GALNT17: variants seen among roughly 807,000 people sequenced by gnomAD.
The protein encoded by GALNT17 is polypeptide N-acetylgalactosaminyltransferase 17, also known as UDP-GalNAc:polypeptide N-acetylgalactosaminyltransferase-like 3.
GALNT17 carries 29 observed loss-of-function variants against 63.7 expected under a neutral mutation model. The ratio of observed to expected loss-of-function variants is 0.46; its 90% confidence interval spans 0.34 to 0.62. The LOEUF (loss-of-function observed/expected upper bound fraction) is 0.62. GALNT17 is among the 20% of genes least tolerant of loss of function. The pLI, the probability that GALNT17 is intolerant of heterozygous loss-of-function variation, is 0.01. For synonymous variants in GALNT17, 305 were observed against 318.3 expected, an observed-to-expected ratio of 0.96 and a Z score of 0.45; for missense variants, 603 against 799.6, an observed-to-expected ratio of 0.75 and a Z score of 2.97.
intron 6 of GALNT17, among the ~76,000 whole-genome samples, chr7:71,665,165 C>G (rs940957488): frequency 6.6e-6 from 1 of 152,066 alleles, no homozygotes; most frequent in African/African-American, 2.4e-5. Context: ...TTAGTAGAGA[C>G]GAGGTTTCAC....
In GALNT17 at chr7:71,504,389, CAATAAATA is replaced by C. The variant is rs201531403; in HGVS notation, c.963-66874_963-66867del. ...TGGGCGACAGAGCTAGACTCCGTCT[CAATAAATA>C]AATAAATAAATAAATAAATAAGTGA... On this transcript the variant is annotated intron_variant, in intron 5 of 10. Coordinates refer to ENST00000333538, the MANE Select transcript of GALNT17 (RefSeq NM_022479.3). Among the ~76,000 whole-genome samples the C allele has an allele frequency of 7.3e-5, 11 of 150,934 alleles. No homozygotes were observed. In the East Asian group the frequency reaches 7.9e-4, roughly 11 times the overall value.
At chr7:71,464,179 T>C (rs1787498560) in intron 5 of GALNT17, among the ~76,000 whole-genome samples, 1 of 152,192 alleles carries the variant, frequency 6.6e-6, no homozygotes, top group African/African-American at 2.4e-5. Context: ...CGTGGGGGAT[T>C]CTTGTTAAAT....
chr7:71,293,214 A>G (rs751476469), intron 1 of GALNT17, among the ~76,000 whole-genome samples: 5 of 152,178 alleles, frequency 3.3e-5, no homozygotes, highest in Non-Finnish European at 7.3e-5. Flanking sequence ...CTTTGGATAT[A>G]TATCTAAAAT....
intron 6 of GALNT17, among the ~76,000 whole-genome samples, chr7:71,596,938 A>G (rs1255216134): frequency 6.6e-6 from 1 of 152,024 alleles, no homozygotes; most frequent in Admixed American, 6.5e-5. Context: ...CTCTAATTCC[A>G]GTGCTGTGGG....
chr7:71,356,299 G>T (rs762342287), intron 2 of GALNT17, among the ~76,000 whole-genome samples: 1 of 152,116 alleles, frequency 6.6e-6, no homozygotes, highest in Admixed American at 6.5e-5. Context: ...CACAAGATTT[G>T]TAGTTCAAAG....
intron 3 of GALNT17, among the ~76,000 whole-genome samples, chr7:71,401,475 G>T (rs1793239478): frequency 6.6e-6 from 1 of 152,018 alleles, no homozygotes; most frequent in Non-Finnish European, 1.5e-5. Flanking sequence ...TAAAGCAGGG[G>T]TCCCCAACCC....
intron 6 of GALNT17, among the ~76,000 whole-genome samples, chr7:71,642,258 A>G (rs1790615109): frequency 1.3e-5 from 2 of 152,078 alleles, no homozygotes; most frequent in Non-Finnish European, 2.9e-5. Flanking sequence ...CCTAAAACAC[A>G]CTGGGGAGAT....
chr7:71,543,484 A>T (rs1788927624), intron 5 of GALNT17, among the ~76,000 whole-genome samples: 1 of 152,130 alleles, frequency 6.6e-6, no homozygotes, highest in Admixed American at 6.5e-5. Flanking sequence ...GAAAAGAGAG[A>T]TCTGGAAAGT....
chr7:71,660,869 G>A (rs1222478576), intron 6 of GALNT17, among the ~76,000 whole-genome samples: 4 of 152,186 alleles, frequency 2.6e-5, no homozygotes, highest in Non-Finnish European at 5.9e-5. Context: ...CCCATGAGCT[G>A]TGCTGGTGAT....
intron 2 of GALNT17, among the ~76,000 whole-genome samples, chr7:71,347,970 A>C (rs939714524): frequency 2.0e-5 from 3 of 152,192 alleles, no homozygotes; most frequent in Non-Finnish European, 4.4e-5. Context: ...TTCCTTGAAA[A>C]GGACTGAATA....
intron 1 of GALNT17, among the ~76,000 whole-genome samples, chr7:71,213,823 G>A (rs1401133386): frequency 1.3e-5 from 2 of 152,060 alleles, no homozygotes; most frequent in Admixed American, 1.3e-4. Flanking sequence ...ATTCCTCAAT[G>A]CCTAATGCTT....
chr7:71,447,202 T>G (rs1787177052), intron 5 of GALNT17, among the ~76,000 whole-genome samples: 1 of 152,218 alleles, frequency 6.6e-6, no homozygotes, highest in African/African-American at 2.4e-5. Flanking sequence ...GCACTAGTCA[T>G]AAATATCAGG....
intron 1 of GALNT17, among the ~76,000 whole-genome samples, chr7:71,151,226 T>C (rs1015872444): frequency 2.0e-5 from 3 of 152,186 alleles, no homozygotes; most frequent in Admixed American, 1.3e-4. Context: ...TCAGCAAATA[T>C]TGATTGATCT....
intron 5 of GALNT17, among the ~76,000 whole-genome samples, chr7:71,561,372 G>A (rs1020270490): frequency 1.3e-5 from 2 of 152,154 alleles, no homozygotes; most frequent in African/African-American, 2.4e-5. Flanking sequence ...GCGGTACTAC[G>A]AAAACACTCA....
At chr7:71,301,188 G>A (rs1300450098) in intron 1 of GALNT17, among the ~76,000 whole-genome samples, 6 of 151,906 alleles carry the variant, frequency 3.9e-5, no homozygotes, top group South Asian at 4.2e-4. Context: ...TCGGGAGGCT[G>A]AGGTGGGAGG....
chr7:71,510,017 T>G (rs975155972), intron 5 of GALNT17, among the ~76,000 whole-genome samples: 1 of 152,056 alleles, frequency 6.6e-6, no homozygotes, highest in Non-Finnish European at 1.5e-5. Context: ...CAATCATAGC[T>G]CACTGCAGCC....
intron 1 of GALNT17, among the ~76,000 whole-genome samples, chr7:71,323,792 A>G (rs1472994373): frequency 6.6e-6 from 1 of 152,238 alleles, no homozygotes; most frequent in African/African-American, 2.4e-5. Context: ...TTGGTCATTC[A>G]GCCGTCCAAT....
chr7:71,337,710 A>G (rs1332535559), intron 2 of GALNT17, among the ~76,000 whole-genome samples: 1 of 151,948 alleles, frequency 6.6e-6, no homozygotes. Context: ...TCTACTAAAA[A>G]TACAAAAATT....
intron 6 of GALNT17, among the ~76,000 whole-genome samples, chr7:71,623,717 T>A (rs1300078032): frequency 1.3e-5 from 2 of 152,176 alleles, no homozygotes; most frequent in Non-Finnish European, 2.9e-5. Context: ...ATTACCGGCG[T>A]GAGCCACCGT....
Sources: gnomAD v4.1 joint callset for allele counts (sites outside exome capture counted in the v4.1 genomes callset) on GRCh38, gnomAD v4.1.1 for gene constraint, MANE v1.5 for transcripts, NCBI Gene and HGNC (gene_info 2026-07-23, HGNC 2026-07-21) for gene names.